RPS6KC1: variants seen among roughly 807,000 people sequenced by gnomAD.
RPS6KC1 encodes inactive ribosomal protein S6 kinase delta-1.
Under a neutral mutation model 103.8 loss-of-function variants are expected in RPS6KC1, and 54 were observed. The observed-to-expected ratio is 0.52, with a 90% CI of 0.42 to 0.65. The LOEUF (loss-of-function observed/expected upper bound fraction) is 0.65. RPS6KC1 is among the 30% of genes least tolerant of loss of function. RPS6KC1 has a pLI of 0.00. For missense variants in RPS6KC1, 1,151 were observed against 1,253.8 expected, an observed-to-expected ratio of 0.92 and a Z score of 1.24; for synonymous variants, 439 against 438.7, an observed-to-expected ratio of 1.00 and a Z score of -0.01.
chr1:213,214,698 C>A (rs2093611876), intron 8 of RPS6KC1, among the ~76,000 whole-genome samples: 1 of 152,178 alleles, frequency 6.6e-6, no homozygotes, highest in Non-Finnish European at 1.5e-5. Context: ...AACAATCAGG[C>A]AGCAACATTG....
At chr1:213,787,107 G>A in the RPS6KC1 span, among the ~76,000 whole-genome samples, 1 of 152,068 alleles carries the variant, frequency 6.6e-6, no homozygotes, top group Non-Finnish European at 1.5e-5. Flanking sequence ...CTTTCATCAA[G>A]CTATTAGATC....
intron 4 of RPS6KC1, among the ~76,000 whole-genome samples, chr1:213,113,617 G>T (rs1289130966): frequency 6.6e-6 from 1 of 151,546 alleles, no homozygotes; most frequent in African/African-American, 2.4e-5. Flanking sequence ...TGGTGTTTTA[G>T]ACATGAAGTC....
At chr1:213,430,879 A>C in the RPS6KC1 span, among the ~76,000 whole-genome samples, 1 of 152,244 alleles carries the variant, frequency 6.6e-6, no homozygotes, top group African/African-American at 2.4e-5. Context: ...AAAACTCATA[A>C]GGGATAATAT....
the RPS6KC1 span, among the ~76,000 whole-genome samples, chr1:213,382,906 C>A: frequency 6.6e-6 from 1 of 152,186 alleles, no homozygotes; most frequent in African/African-American, 2.4e-5. Flanking sequence ...TGAGTTGAGG[C>A]CATTTTGGTG....
the RPS6KC1 span, among the ~76,000 whole-genome samples, chr1:213,322,736 C>T: frequency 6.6e-6 from 1 of 151,658 alleles, no homozygotes; most frequent in Non-Finnish European, 1.5e-5. Flanking sequence ...TTTTCTTTCT[C>T]CTTCTTCTTT....
At chr1:213,238,849 C>G (rs1422694851) in intron 10 of RPS6KC1, among the ~76,000 whole-genome samples, 2 of 152,090 alleles carry the variant, frequency 1.3e-5, no homozygotes, top group Non-Finnish European at 2.9e-5. Context: ...AGACTTGATC[C>G]TTTCCTCAAA....
At chr1:213,585,708 GTC>G in the RPS6KC1 span, among the ~76,000 whole-genome samples, 2 of 152,142 alleles carry the variant, frequency 1.3e-5, no homozygotes, top group African/African-American at 2.4e-5. Flanking sequence ...TGAATGGGGT[GTC>G]TCTCCTCCTG....
the RPS6KC1 span, among the ~76,000 whole-genome samples, chr1:213,764,035 C>T: frequency 6.6e-6 from 1 of 152,120 alleles, no homozygotes; most frequent in African/African-American, 2.4e-5. Context: ...TGAAATTTGC[C>T]CTTGAGGCAT....
At chr1:213,219,785 A>G (rs2093777645) in intron 8 of RPS6KC1, among the ~76,000 whole-genome samples, 3 of 147,960 alleles carry the variant, frequency 2.0e-5, no homozygotes, top group African/African-American at 7.4e-5. Context: ...ACATGTTCTC[A>G]TTCATAGGTC....
In RPS6KC1 at chr1:213,179,426, G is replaced by GA. The variant is rs1352280422; in HGVS notation, c.1044+2947dup. ...CCAGACCCTGTCTCAAAAAAAAGAG[G>GA]AAAAAAAAAAAAAGCAGGTACATTT... On this transcript the variant is annotated intron_variant, in intron 8 of 14. Transcript: ENST00000366960. Among the ~76,000 whole-genome samples, 1,161 of 133,494 alleles carry GA rather than the reference G, an allele frequency of 8.7e-3. 6 individuals carry two copies. Among genetic ancestry groups the GA allele is most frequent in the African/African-American group, 0.018 (668 of 36,376 alleles). 87.6% of individuals were successfully genotyped at this position (133,494 alleles called of 152,430 possible). A position where few individuals can be genotyped will look rare whatever the true frequency, so the allele number is the denominator to read the frequency against.
At chr1:213,615,509 C>T in the RPS6KC1 span, among the ~76,000 whole-genome samples, 2 of 152,244 alleles carry the variant, frequency 1.3e-5, no homozygotes, top group Non-Finnish European at 2.9e-5. Context: ...ATGCCTTCAG[C>T]ACTGCAGGCT....
At chr1:213,602,120 C>CTCTTTCTTTCTTTCTTTCTTTCTT in the RPS6KC1 span, among the ~76,000 whole-genome samples, 12 of 5,148 alleles carry the variant, frequency 2.3e-3, 1 homozygote, top group African/African-American at 3.4e-3. Context: ...TTCTTTCTTT[C>CTCTTTCTTTCTTTCTTTCTTTCTT]TCTTTCTTTC....
At chr1:213,738,175 A>G in the RPS6KC1 span, among the ~76,000 whole-genome samples, 2 of 152,198 alleles carry the variant, frequency 1.3e-5, no homozygotes, top group East Asian at 3.8e-4. Flanking sequence ...ATATTCAGTT[A>G]CAAAAGACAT....
chr1:213,321,298 A>C, the RPS6KC1 span, among the ~76,000 whole-genome samples: 2 of 152,174 alleles, frequency 1.3e-5, no homozygotes, highest in Admixed American at 1.3e-4. Flanking sequence ...ATCAGAAATC[A>C]GCAATTCCCA....
At chr1:213,153,202 A>C (rs1381480837) in intron 6 of RPS6KC1, among the ~76,000 whole-genome samples, 1 of 151,634 alleles carries the variant, frequency 6.6e-6, no homozygotes, top group African/African-American at 2.4e-5. Context: ...TCGGCTCAGC[A>C]TGAGAGGGAG....
At chr1:213,214,185 G>A (rs1447634513) in intron 8 of RPS6KC1, among the ~76,000 whole-genome samples, 1 of 152,238 alleles carries the variant, frequency 6.6e-6, no homozygotes, top group Non-Finnish European at 1.5e-5. Flanking sequence ...CCCTAATACT[G>A]CGCTTTTCCA....
chr1:213,477,362 T>A, the RPS6KC1 span, among the ~76,000 whole-genome samples: 3,677 of 151,630 alleles, frequency 0.024, 150 homozygotes, highest in African/African-American at 0.085. Flanking sequence ...TTTTTTTTTT[T>A]ATCTATTTCA....
chr1:213,116,001 G>C (rs1376664552), intron 4 of RPS6KC1, among the ~76,000 whole-genome samples: 1 of 152,022 alleles, frequency 6.6e-6, no homozygotes, highest in African/African-American at 2.4e-5. Flanking sequence ...AATAGGTGTG[G>C]TGTGGTGCTG....
the RPS6KC1 span, among the ~76,000 whole-genome samples, chr1:213,395,019 C>T: frequency 5.9e-5 from 9 of 152,172 alleles, no homozygotes; most frequent in Middle Eastern, 3.2e-3. Flanking sequence ...TCTAGCAGAG[C>T]GGCTGTGCCC....
Sources: allele counts gnomAD v4.1 joint callset (sites outside exome capture counted in the v4.1 genomes callset), GRCh38; gene constraint gnomAD v4.1.1; transcripts MANE v1.5; gene names NCBI Gene and HGNC (gene_info 2026-07-23, HGNC 2026-07-21).